Variants in GRIA1 observed in about 807,000 individuals in gnomAD.
The protein encoded by GRIA1 is glutamate receptor 1.
GRIA1 carries 31 observed loss-of-function variants against 99.2 expected under a neutral mutation model. The ratio of observed to expected loss-of-function variants is 0.31; its 90% confidence interval spans 0.23 to 0.42. The LOEUF (loss-of-function observed/expected upper bound fraction) is 0.42. Ranked by LOEUF, GRIA1 falls within the 10% of genes least tolerant of loss-of-function variation. The pLI is 1.00. For synonymous variants in GRIA1, 438 were observed against 432.4 expected (o/e 1.01, Z -0.16); for missense variants, 782 against 1,157.5 (o/e 0.68, Z 4.71).
intron 2 of GRIA1, among the ~76,000 whole-genome samples, chr5:153,616,385 C>T (rs1230428151): frequency 1.3e-5 from 2 of 151,986 alleles, no homozygotes; most frequent in African/African-American, 4.8e-5. Context: ...ACAGGGGTGA[C>T]CAATCTTTTG....
At position 153,579,610 on chromosome 5, in the gene GRIA1, T is replaced by C. The variant is rs191319772; in HGVS notation, c.221-67318T>C. Among the ~76,000 whole-genome samples the C allele has an allele frequency of 2.6e-5, 4 of 152,340 alleles. No homozygotes were observed. The East Asian group carries it at 7.7e-4, about 29-fold the overall frequency. On this transcript the variant is annotated intron_variant, in intron 2 of 15. Coordinates refer to ENST00000285900, the MANE Select transcript of GRIA1 (RefSeq NM_000827.4). ...ACATGTTTAGTAATGCATATAGATATATACTCATGGGTATGTATATACAGT... is the reference window on the plus strand; with the variant it reads ...ACATGTTTAGTAATGCATATAGATACATACTCATGGGTATGTATATACAGT...
At chr5:153,682,610 A>G (rs1757053373) in intron 7 of GRIA1, among the ~76,000 whole-genome samples, 2 of 152,130 alleles carry the variant, frequency 1.3e-5, no homozygotes, top group South Asian at 4.2e-4. Flanking sequence ...CTCTTAGGCC[A>G]TTTTAGCCAG....
chr5:153,631,166 G>C (rs756045280), intron 2 of GRIA1, among the ~76,000 whole-genome samples: 5 of 152,180 alleles, frequency 3.3e-5, no homozygotes, highest in African/African-American at 4.8e-5. Context: ...TCAAAAATTT[G>C]TCCTAAAAGG....
chr5:153,619,977 A>G (rs1419701764), intron 2 of GRIA1, among the ~76,000 whole-genome samples: 1 of 152,218 alleles, frequency 6.6e-6, no homozygotes, highest in African/African-American at 2.4e-5. Context: ...AAGTCTCTAC[A>G]GTTCTTTCCA....
chr5:153,770,607 G>T (rs1763813591), intron 13 of GRIA1, among the ~76,000 whole-genome samples, 192 bp downstream of exon 13: 1 of 152,110 alleles, frequency 6.6e-6, no homozygotes, highest in Non-Finnish European at 1.5e-5. Context: ...CTGACCTGGG[G>T]GCCTCAGCTT....
chr5:153,742,242 T>A (rs534706187), intron 11 of GRIA1, among the ~76,000 whole-genome samples: 2 of 152,216 alleles, frequency 1.3e-5, no homozygotes, highest in East Asian at 3.9e-4. Context: ...GGAAGCAAGA[T>A]AAGAAGAAGG....
intron 2 of GRIA1, among the ~76,000 whole-genome samples, chr5:153,565,208 C>T (rs1170575033): frequency 6.6e-6 from 1 of 152,108 alleles, no homozygotes; most frequent in Non-Finnish European, 1.5e-5. Context: ...TTATGTAATA[C>T]CTGTGATCGT....
chr5:153,516,325 G>A (rs183890028), intron 2 of GRIA1, among the ~76,000 whole-genome samples: 5 of 151,478 alleles, frequency 3.3e-5, no homozygotes, highest in Admixed American at 3.3e-4. Context: ...TAAACATCTA[G>A]TTGCCAGACC....
rs974137402 is a variant in GRIA1, at chr5:153,610,481, G to A, written c.221-36447G>A. Among the ~76,000 whole-genome samples, 6 of 152,302 alleles carry A rather than the reference G, an allele frequency of 3.9e-5. No individual in the cohort carries two copies. In the East Asian group the frequency reaches 5.8e-4, roughly 15 times the overall value. ...AAAGTATTTGGTCTTTGTTGTTATCGTTGTTGTTGTTTAAAGTGAACTCCT... is the reference window on the plus strand; with the variant it reads ...AAAGTATTTGGTCTTTGTTGTTATCATTGTTGTTGTTTAAAGTGAACTCCT... On this transcript the variant is annotated intron_variant, in intron 2 of 15. Coordinates refer to ENST00000285900, the MANE Select transcript of GRIA1 (RefSeq NM_000827.4).
chr5:153,598,937 A>G (rs1008816990), intron 2 of GRIA1, among the ~76,000 whole-genome samples: 8 of 152,180 alleles, frequency 5.3e-5, no homozygotes, highest in Admixed American at 3.3e-4. Context: ...GCTGGAGTAC[A>G]GTGGCACAAT....
chr5:153,684,577 A>G (rs1434323199), intron 7 of GRIA1, among the ~76,000 whole-genome samples: 3 of 152,200 alleles, frequency 2.0e-5, no homozygotes, highest in Non-Finnish European at 2.9e-5. Flanking sequence ...CCAGTCTACC[A>G]TCTGCACATC....
intron 6 of GRIA1, among the ~76,000 whole-genome samples, chr5:153,676,289 A>C (rs1756580667): frequency 6.6e-6 from 1 of 152,268 alleles, no homozygotes; most frequent in African/African-American, 2.4e-5. Flanking sequence ...ATTAGGAACA[A>C]ATTAGTGAAG....
chr5:153,609,247 C>T (rs6864226), intron 2 of GRIA1, among the ~76,000 whole-genome samples: 33,606 of 152,084 alleles, frequency 0.22, 4,279 homozygotes, highest in Non-Finnish European at 0.3. Context: ...ATCCTTAGAT[C>T]CCAGCCCTGC....
At chr5:153,518,332 A>G (rs1756821649) in intron 2 of GRIA1, among the ~76,000 whole-genome samples, 1 of 152,172 alleles carries the variant, frequency 6.6e-6, no homozygotes, top group Admixed American at 6.5e-5. Flanking sequence ...CGCCACAAGA[A>G]AAGGATCTGC....
chr5:153,677,057 A>C lies in GRIA1; in HGVS notation c.925A>C (p.Arg309=), dbSNP rs1321997489. 6.3e-7 allele frequency: 1 copy of C among 1,582,072 alleles called. No homozygotes were observed. Among genetic ancestry groups the C allele is most frequent in the South Asian group, 1.2e-5 (1 of 86,434 alleles). The part of the protein sequence containing the change: ...VMAEAFQSLR[R]QRIDISRRGN... ...GGCTGAGGCTTTCCAGAGCCTGCGG[A>C]GGCAGAGAATTGATATATCTCGCCG... is the stretch of plus-strand genomic sequence containing the variant. Residue 309 remains arginine, a synonymous_variant, in exon 7 of 16, where the codon AGG becomes CGG. Transcript: ENST00000285900.
rs140409475 is a variant in GRIA1, at chr5:153,619,120, A to G, written c.221-27808A>G. Among the ~76,000 whole-genome samples the G allele has an allele frequency of 1.5e-3, 235 of 152,338 alleles. 1 individual carries two copies. In the Middle Eastern group the frequency reaches 0.024, roughly 15 times the overall value. ...CTTAGCTTGATAGGGCAATGGTCAG[A>G]AATGCAGTTTGGTTTAAACAGTTTT... On this transcript the variant is annotated intron_variant, in intron 2 of 15. Transcript: ENST00000285900.
chr5:153,697,033 C>G (rs1758164357), intron 8 of GRIA1, among the ~76,000 whole-genome samples: 1 of 152,216 alleles, frequency 6.6e-6, no homozygotes, highest in South Asian at 2.1e-4. Flanking sequence ...ATCTTCCACC[C>G]AGGACCCACA....
At chr5:153,558,753 A>G (rs1478092319) in intron 2 of GRIA1, among the ~76,000 whole-genome samples, 1 of 152,120 alleles carries the variant, frequency 6.6e-6, no homozygotes, top group Non-Finnish European at 1.5e-5. Flanking sequence ...TGTAAATATT[A>G]TGGGGAGTGG....
At chr5:153,558,437 T>C (rs965579506) in intron 2 of GRIA1, among the ~76,000 whole-genome samples, 4 of 152,182 alleles carry the variant, frequency 2.6e-5, no homozygotes, top group African/African-American at 9.6e-5. Context: ...ATTTGTTTTC[T>C]GTTTCTATAA....
Sources: gnomAD v4.1 joint callset for allele counts (sites outside exome capture counted in the v4.1 genomes callset) on GRCh38, gnomAD v4.1.1 for gene constraint, MANE v1.5 for transcripts, NCBI Gene and HGNC (gene_info 2026-07-23, HGNC 2026-07-21) for gene names.